TRDN: variants seen among roughly 807,000 people sequenced by gnomAD.
TRDN encodes the protein triadin, also known as triadin in skeletal muscle.
A neutral mutation model predicts 149.7 loss-of-function variants in TRDN; 161 were observed. The ratio of observed to expected loss-of-function variants is 1.08; its 90% CI spans 0.95 to 1.23. The LOEUF (loss-of-function observed/expected upper bound fraction) is 1.23. Ranked by LOEUF, TRDN falls within the 50% of genes most tolerant of loss-of-function variation. The pLI is 0.00. For synonymous variants in TRDN, 294 were observed against 250.5 expected, an observed-to-expected ratio of 1.17 and a Z score of -1.64; for missense variants, 896 against 823.5, an observed-to-expected ratio of 1.09 and a Z score of -1.08.
At chr6:123,554,380 G>A (rs1781544948) in intron 2 of TRDN, among the ~76,000 whole-genome samples, 1 of 151,994 alleles carries the variant, frequency 6.6e-6, no homozygotes, top group Admixed American at 6.6e-5. Flanking sequence ...TATCTAGGTG[G>A]TTCTAATTTT....
intron 4 of TRDN, among the ~76,000 whole-genome samples, chr6:123,536,757 C>T (rs1258511588): frequency 6.6e-6 from 1 of 151,330 alleles, no homozygotes; most frequent in South Asian, 2.1e-4. Context: ...TGGTGGTGCA[C>T]AACTGTAGTC....
chr6:123,503,401 C>T lies in TRDN; in HGVS notation c.793+318G>A, dbSNP rs954368518. Reference sequence around the variant, plus strand: ...AGTATGACACATACAATCTTTATTCCACCTCTTAATAGACATTCCATATCT... The same window carrying T: ...AGTATGACACATACAATCTTTATTCTACCTCTTAATAGACATTCCATATCT... On this transcript the variant is annotated intron_variant, in intron 8 of 40. Coordinates refer to ENST00000334268, the MANE Select transcript of TRDN (RefSeq NM_006073.4). 12 of 985,096 alleles carry T rather than the reference C, an allele frequency of 1.2e-5. No individual in the cohort carries two copies. In the African/African-American group the frequency reaches 1.9e-4, roughly 16 times the overall value. The allele number at this position is 985,096 out of a possible 1,614,324, so 61.0% of individuals were successfully genotyped here. A position where few individuals can be genotyped will look rare whatever the true frequency, so the allele number is the denominator to read the frequency against.
intron 37 of TRDN, among the ~76,000 whole-genome samples, chr6:123,252,653 T>G (rs544422136): frequency 1.6e-4 from 25 of 152,214 alleles, no homozygotes; most frequent in Admixed American, 1.4e-3. Context: ...GGGTCTCAGT[T>G]GCCCAAGATG....
intron 9 of TRDN, among the ~76,000 whole-genome samples, chr6:123,472,665 C>G (rs1005478701): frequency 1.3e-5 from 2 of 152,234 alleles, no homozygotes; most frequent in African/African-American, 4.8e-5. Flanking sequence ...GTAACCTCTG[C>G]AGACTTAAAT....
rs528367197 is a variant in TRDN at position 123,461,967 on chromosome 6, A to G, written c.931+2939T>C. On this transcript the variant is annotated intron_variant, in intron 10 of 40. Transcript: ENST00000334268. ...GCTCCCAATAGACACGGGAATTCAA[A>G]ATTGCTTAAAAGATGAGAATTAATA... is the stretch of plus-strand genomic sequence containing the variant. Among the ~76,000 whole-genome samples, 4 of 152,302 alleles carry G rather than the reference A, an allele frequency of 2.6e-5. No individual in the cohort carries two copies. In the South Asian group the frequency reaches 8.3e-4, roughly 32 times the overall value.
chr6:123,355,318 T>G (rs940029180), intron 20 of TRDN, among the ~76,000 whole-genome samples: 2 of 151,726 alleles, frequency 1.3e-5, no homozygotes, highest in Admixed American at 1.3e-4. Flanking sequence ...CTAATGCTTT[T>G]TGTATTCTAT....
At chr6:123,571,184 T>C (rs1782560323) in intron 1 of TRDN, 52 bp from the exon 2 acceptor site, 2 of 1,583,584 alleles carry the variant, frequency 1.3e-6, no homozygotes, top group Non-Finnish European at 1.7e-6. Context: ...ATGGTAAATA[T>C]TGATGATGAG....
At chr6:123,264,801 A>G (rs1005015022) in intron 33 of TRDN, among the ~76,000 whole-genome samples, 4 of 152,094 alleles carry the variant, frequency 2.6e-5, no homozygotes, top group African/African-American at 9.7e-5. Context: ...TTTTACCAGC[A>G]AAAGTATTAC....
chr6:123,598,204 A>G lies in TRDN; in HGVS notation c.23-27072T>C, dbSNP rs1784122031. On this transcript the variant is annotated intron_variant, in intron 1 of 40. Transcript: ENST00000334268. ...ACTGACCCTCCCTTCTACAGTGACC[A>G]AGATCAATGGAAAGTGAAAGCATGT... Among the ~76,000 whole-genome samples, 2 of 152,070 alleles carry G rather than the reference A, an allele frequency of 1.3e-5. 1 individual carries two copies. The highest frequency in any genetic ancestry group is 4.8e-5 in the African/African-American group (2 of 41,420).
At chr6:123,407,322 C>G (rs1773235048) in intron 12 of TRDN, among the ~76,000 whole-genome samples, 1 of 152,196 alleles carries the variant, frequency 6.6e-6, no homozygotes, top group Non-Finnish European at 1.5e-5. Flanking sequence ...AGTCAGGGCT[C>G]TTCCCCATGC....
At chr6:123,354,822 C>T (rs77900026) in intron 20 of TRDN, among the ~76,000 whole-genome samples, 11,946 of 151,630 alleles carry the variant, frequency 0.079, 1,579 homozygotes, top group African/African-American at 0.27. Context: ...AGCAATAGGA[C>T]TCTGGAAGCA....
intron 1 of TRDN, among the ~76,000 whole-genome samples, chr6:123,599,148 G>A (rs946883870): frequency 6.6e-6 from 1 of 152,068 alleles, no homozygotes; most frequent in Non-Finnish European, 1.5e-5. Flanking sequence ...TGATAACAAT[G>A]ATAAATATTC....
intron 24 of TRDN, among the ~76,000 whole-genome samples, chr6:123,281,249 C>T (rs1777575209): frequency 6.6e-6 from 1 of 151,912 alleles, no homozygotes; most frequent in Non-Finnish European, 1.5e-5. Flanking sequence ...TTCCTGGGTT[C>T]TCAGAACAAA....
At chr6:123,373,916 C>A (rs191525391) in intron 19 of TRDN, among the ~76,000 whole-genome samples, 110 of 152,246 alleles carry the variant, frequency 7.2e-4, no homozygotes, top group Middle Eastern at 3.4e-3. Context: ...TAGGCATTAA[C>A]TTTATAAGTA....
intron 27 of TRDN, 27 bp downstream of exon 27, chr6:123,274,614 A>G (rs199659118): frequency 8.9e-5 from 141 of 1,593,002 alleles, no homozygotes; most frequent in Non-Finnish European, 1.5e-5. Context: ...TCAACTCTGA[A>G]TCTATATAAA....
At chr6:123,546,838 G>C (rs9490808) in intron 4 of TRDN, among the ~76,000 whole-genome samples, 76,920 of 151,752 alleles carry the variant, frequency 0.51, 20,317 homozygotes, top group African/African-American at 0.54. Flanking sequence ...CCATGACAGT[G>C]ACACATCACA....
At chr6:123,503,600 G>T in intron 8 of TRDN, 119 bp downstream of exon 8, 1 of 1,495,804 alleles carries the variant, frequency 6.7e-7, no homozygotes, top group Non-Finnish European at 8.9e-7. Flanking sequence ...TTACTTTAAT[G>T]TCTTTTACCC....
intron 38 of TRDN, among the ~76,000 whole-genome samples, chr6:123,225,931 A>C (rs1244772330): frequency 6.6e-6 from 1 of 151,780 alleles, no homozygotes; most frequent in Non-Finnish European, 1.5e-5. Context: ...GTTTTGTCTT[A>C]TTTATTTAGA....
rs772783444 is a variant in TRDN at position 123,497,234 on chromosome 6, C to T, written c.812G>A (p.Arg271Gln). ...HEQKDQYAFC[R>Q]YMIDIFVHGD... ...ATGGACAAATATGTCAATCATATATCGACAGAATGCATACTGATCTGACAG... is the reference window on the plus strand; with the variant it reads ...ATGGACAAATATGTCAATCATATATTGACAGAATGCATACTGATCTGACAG... Residue 271 changes from arginine to glutamine, a missense_variant, in exon 9 of 41, where the codon CGA becomes CAA. Arg to Gln is a conservative substitution (Grantham distance 43). Transcript: ENST00000334268. 9.0e-6 allele frequency: 14 copies of T among 1,553,814 alleles called. No homozygotes were observed. Among genetic ancestry groups the T allele is most frequent in the Middle Eastern group, 1.7e-4 (1 of 5,958 alleles).
Sources: gnomAD v4.1 joint callset for allele counts (sites outside exome capture counted in the v4.1 genomes callset) on GRCh38, gnomAD v4.1.1 for gene constraint, MANE v1.5 for transcripts, NCBI Gene and HGNC (gene_info 2026-07-23, HGNC 2026-07-21) for gene names.